Variants in OSER1 observed in about 807,000 individuals in gnomAD.
The protein encoded by OSER1 is oxidative stress responsive serine rich 1, also known as oxidative stress-responsive serine-rich protein 1.
In OSER1, 15 loss-of-function variants were observed where a neutral mutation model predicts 26.3. That is an observed-to-expected ratio of 0.57 (90% CI 0.38 to 0.88). OSER1 has a LOEUF of 0.88. Among genes scored for constraint, OSER1 ranks in the 40% least tolerant of loss-of-function variants. The pLI, the probability that OSER1 is intolerant of heterozygous loss-of-function variation, is 0.00. For synonymous variants in OSER1, 127 were observed against 128.2 expected, an observed-to-expected ratio of 0.99 and a Z score of 0.07; for missense variants, 313 against 353.9, an observed-to-expected ratio of 0.88 and a Z score of 0.93.
intron 1 of OSER1, chr20:44,207,719 GCCT>G (rs2073052001): frequency 6.6e-6 from 1 of 152,148 alleles, no homozygotes; most frequent in Non-Finnish European, 1.5e-5. Context: ...CTTCTCTTTA[GCCT>G]AAAGAAAGGT....
rs2232289 is a variant in OSER1 at position 44,197,492 on chromosome 20, C to A, written c.439G>T (p.Val147Phe). Reference protein sequence around the residue: ...SLDANHTGAVVEPLRTSVPRL... With the variant: ...SLDANHTGAVFEPLRTSVPRL... ...GGAACAGAAGTTCTCAAAGGCTCAA[C>A]GACTGCCCCTGTGTGATTAGCATCG... The change falls in exon 4 of 4, where the codon GTT (valine) becomes TTT (phenylalanine). Residue 147 changes from valine (V) to phenylalanine (F), a missense_variant. Val to Phe is a conservative substitution (Grantham distance 50, BLOSUM62 -1). Transcript: ENST00000255174. The A allele has an allele frequency of 1.2e-6, 2 of 1,614,174 alleles. No homozygotes were observed. The highest frequency in any genetic ancestry group is 3.3e-5 in the Admixed American group (2 of 60,028).
intron 2 of OSER1, among the ~76,000 whole-genome samples, chr20:44,206,479 C>G (rs2073038721): frequency 6.6e-6 from 1 of 152,174 alleles, no homozygotes; most frequent in Non-Finnish European, 1.5e-5. Flanking sequence ...CAATCACAGA[C>G]CATGAAATCT....
At chr20:44,203,696 ACACACACAC>A (rs1569240145) in intron 2 of OSER1, among the ~76,000 whole-genome samples, 70 of 118,286 alleles carry the variant, frequency 5.9e-4, no homozygotes, top group African/African-American at 3.9e-4. Context: ...GACTTTTTTC[ACACACACAC>A]ACACACACAC....
At position 44,197,025 on chromosome 20, in the gene OSER1, TA is replaced by T. The variant is rs1295562320; in HGVS notation, c.*26del. ...TCTCTTTGACAAGCCTTCATTGGTTTAAAGCATATGAATTAGCTTCTTGCTA... is the reference window on the plus strand; with the variant it reads ...TCTCTTTGACAAGCCTTCATTGGTTTAAGCATATGAATTAGCTTCTTGCTA... On this transcript the variant is annotated 3_prime_UTR_variant, in exon 4 of 4. Coordinates refer to ENST00000255174, the MANE Select transcript of OSER1 (RefSeq NM_016470.8). The T allele has an allele frequency of 1.6e-5, 24 of 1,522,008 alleles. No individual in the cohort carries two copies. The highest frequency in any genetic ancestry group is 2.0e-5 in the Non-Finnish European group (22 of 1,099,314). 94.3% of individuals were successfully genotyped at this position (1,522,008 alleles called of 1,614,324 possible). A position where few individuals can be genotyped will look rare whatever the true frequency, so the allele number is the denominator to read the frequency against.
chr20:44,199,250 A>G (rs1210628671), intron 3 of OSER1, among the ~76,000 whole-genome samples: 1 of 152,208 alleles, frequency 6.6e-6, no homozygotes, highest in Non-Finnish European at 1.5e-5. Flanking sequence ...CTCTGCCTTC[A>G]AGAATGGATT....
chr20:44,206,586 G>A (rs113053655), intron 2 of OSER1, among the ~76,000 whole-genome samples: 2 of 152,132 alleles, frequency 1.3e-5, no homozygotes, highest in African/African-American at 2.4e-5. Flanking sequence ...GTGGGACACC[G>A]CTTGATAATC....
rs1473407545 is a variant in OSER1 at position 44,196,757 on chromosome 20, T to C, written c.*295A>G. 1 of 300,240 alleles carries C rather than the reference T, an allele frequency of 3.3e-6. No individual in the cohort carries two copies. Among genetic ancestry groups the C allele is most frequent in the African/African-American group, 2.1e-5 (1 of 46,962 alleles). 18.6% of individuals were successfully genotyped at this position (300,240 alleles called of 1,614,324 possible). ...AAATGCACTGTTTTACAAAGGCTTT[T>C]ACCATATACCCACTGCTGCCAGTCT... On this transcript the variant is annotated 3_prime_UTR_variant, in exon 4 of 4. Transcript: ENST00000255174.
At chr20:44,198,614 G>A (rs970934200) in intron 3 of OSER1, among the ~76,000 whole-genome samples, 5 of 145,682 alleles carry the variant, frequency 3.4e-5, no homozygotes, top group South Asian at 2.2e-4. Context: ...GCGAGACTCC[G>A]TCTCAAAAAT....
chr20:44,196,998 A>C lies in OSER1; in HGVS notation c.*54T>G, dbSNP rs2072925256. On this transcript the variant is annotated 3_prime_UTR_variant, in exon 4 of 4. Coordinates refer to ENST00000255174, the MANE Select transcript of OSER1 (RefSeq NM_016470.8). ...TGGCCACAAGGTCTGCCATTAACTA[A>C]ATCTCTTTGACAAGCCTTCATTGGT... 2.3e-6 allele frequency: 3 copies of C among 1,306,326 alleles called. No homozygotes were observed. Among genetic ancestry groups the C allele is most frequent in the South Asian group, 1.3e-5 (1 of 78,996 alleles). 80.9% of individuals were successfully genotyped at this position (1,306,326 alleles called of 1,614,324 possible).
chr20:44,202,888 TG>T, intron 3 of OSER1, 72 bp downstream of exon 3: 1 of 818,004 alleles, frequency 1.2e-6, no homozygotes, highest in Admixed American at 2.0e-5. Context: ...AACTCTTTTC[TG>T]GACACTCAGA....
At position 44,197,409 on chromosome 20, in the gene OSER1, T is replaced by C. The variant is rs751422445; in HGVS notation, c.522A>G (p.Gln174=). Reference sequence around the variant, plus strand: ...AGAGATCACTGGCTTTGAGACTTGCTTGGGGGACTTGGGTAGCGTCAGAGG... The same window carrying C: ...AGAGATCACTGGCTTTGAGACTTGCCTGGGGGACTTGGGTAGCGTCAGAGG... ...EDSSDATQVP[Q]ASLKASDLSD... Residue 174 remains glutamine, a synonymous_variant, in exon 4 of 4, where the codon CAA becomes CAG. Transcript: ENST00000255174. 14 of 1,614,100 alleles carry C rather than the reference T, an allele frequency of 8.7e-6. No individual in the cohort carries two copies. Among genetic ancestry groups the C allele is most frequent in the East Asian group, 2.2e-5 (1 of 44,894 alleles).
At chr20:44,210,056 G>C (rs1394189623) in intron 1 of OSER1, 1 of 152,300 alleles carries the variant, frequency 6.6e-6, no homozygotes, top group African/African-American at 2.4e-5. Context: ...CAGCGCTGCA[G>C]CCAAAGCACA....
At chr20:44,204,158 T>C (rs1327990399) in intron 2 of OSER1, among the ~76,000 whole-genome samples, 3 of 152,262 alleles carry the variant, frequency 2.0e-5, no homozygotes, top group African/African-American at 4.8e-5. Flanking sequence ...GCATGTATTA[T>C]GTTACAATCA....
chr20:44,206,830 T>C, intron 2 of OSER1, 51 bp downstream of exon 2: 1 of 798,988 alleles, frequency 1.3e-6, no homozygotes, highest in Non-Finnish European at 2.2e-6. Context: ...AAGGGACTAT[T>C]TAAAATAAGT....
intron 3 of OSER1, among the ~76,000 whole-genome samples, chr20:44,201,475 C>T (rs929044507): frequency 4.6e-5 from 7 of 152,084 alleles, no homozygotes; most frequent in Non-Finnish European, 8.8e-5. Context: ...TAAACCTTCA[C>T]TAAAGAAACT....
chr20:44,210,645 G>A (rs1163446498), intron 1 of OSER1, 51 bp downstream of exon 1: 1 of 152,486 alleles, frequency 6.6e-6, no homozygotes, highest in African/African-American at 2.4e-5. Context: ...ACCGGCAGTG[G>A]AAGCTGAGAC....
At chr20:44,198,763 C>T (rs1198258037) in intron 3 of OSER1, among the ~76,000 whole-genome samples, 1 of 152,240 alleles carries the variant, frequency 6.6e-6, no homozygotes. Context: ...GTAATCCCAT[C>T]TTATCCATGG....
At chr20:44,203,868 A>G (rs1204066811) in intron 2 of OSER1, among the ~76,000 whole-genome samples, 1 of 152,238 alleles carries the variant, frequency 6.6e-6, no homozygotes, top group African/African-American at 2.4e-5. Flanking sequence ...TCTAATAGAA[A>G]AAAAATACTG....
chr20:44,208,739 T>C (rs536831640), intron 1 of OSER1, among the ~76,000 whole-genome samples: 25 of 152,316 alleles, frequency 1.6e-4, no homozygotes, highest in Non-Finnish European at 3.2e-4. Flanking sequence ...TAGAACTAAA[T>C]TGAAGTTTGA....
Sources: allele counts gnomAD v4.1 joint callset (sites outside exome capture counted in the v4.1 genomes callset), GRCh38; gene constraint gnomAD v4.1.1; transcripts MANE v1.5; gene names NCBI Gene and HGNC (gene_info 2026-07-23, HGNC 2026-07-21).